Variants in TAOK1 observed in about 807,000 individuals in gnomAD.
TAOK1 encodes serine/threonine-protein kinase TAO1.
In TAOK1, 21 loss-of-function variants were observed where a neutral mutation model predicts 138.3. The observed-to-expected ratio is 0.15, with a 90% CI of 0.11 to 0.22. The LOEUF (loss-of-function observed/expected upper bound fraction) is 0.22. TAOK1 is among the 10% of genes least tolerant of loss of function. The pLI, the probability that TAOK1 is intolerant of heterozygous loss-of-function variation, is 1.00. For synonymous variants in TAOK1, 361 were observed against 398.4 expected, an observed-to-expected ratio of 0.91 and a Z score of 1.12; for missense variants, 651 against 1,227.7, an observed-to-expected ratio of 0.53 and a Z score of 7.02.
chr17:29,535,954 G>A (rs2053695917), intron 19 of TAOK1, among the ~76,000 whole-genome samples: 1 of 152,044 alleles, frequency 6.6e-6, no homozygotes, highest in Non-Finnish European at 1.5e-5. Flanking sequence ...TCTTTGAGAG[G>A]TATTTGCATC....
chr17:29,449,641 GA>G (rs1301877402), intron 1 of TAOK1, among the ~76,000 whole-genome samples: 6 of 151,986 alleles, frequency 3.9e-5, no homozygotes, highest in South Asian at 2.1e-4. Context: ...AGGAGTTCGA[GA>G]CCAGCCTGGC....
chr17:29,444,652 T>C (rs1381166131), intron 1 of TAOK1, among the ~76,000 whole-genome samples: 1 of 152,234 alleles, frequency 6.6e-6, no homozygotes, highest in Admixed American at 6.5e-5. Context: ...GCTTTTGCCT[T>C]TTCATATACA....
chr17:29,501,856 G>A (rs2031536822), intron 12 of TAOK1, among the ~76,000 whole-genome samples: 1 of 151,614 alleles, frequency 6.6e-6, no homozygotes, highest in South Asian at 2.1e-4. Flanking sequence ...GGGCAACATG[G>A]CAGAACCCCA....
At position 29,508,069 on chromosome 17, in the gene TAOK1, T is replaced by A; in HGVS notation, c.1512T>A (p.Arg504=). ...LRLDKDLETQ[R]NNFAAEMEKL... is the part of the protein sequence containing the mutation. The stretch of plus-strand genomic sequence containing the variant: ...TAGACAAAGATCTTGAAACTCAGCG[T>A]AACAATTTTGCTGCAGAAATGGAGA... Residue 504 remains arginine, a synonymous_variant, in exon 14 of 20, where the codon CGT becomes CGA. Coordinates refer to ENST00000261716, the MANE Select transcript of TAOK1 (RefSeq NM_020791.4). 1 of 1,614,100 alleles carries A rather than the reference T, an allele frequency of 6.2e-7. No individual in the cohort carries two copies. The highest frequency in any genetic ancestry group is 8.5e-7 in the Non-Finnish European group (1 of 1,179,984).
chr17:29,445,339 G>T (rs147885596), intron 1 of TAOK1: 2 of 152,460 alleles, frequency 1.3e-5, no homozygotes, highest in Admixed American at 1.3e-4. Context: ...TGTCATCCTT[G>T]TGCAGGGGCC....
At chr17:29,502,458 C>CTT in intron 12 of TAOK1, 131 bp from the exon 13 acceptor site, 1 of 1,029,566 alleles carries the variant, frequency 9.7e-7, no homozygotes, top group Non-Finnish European at 1.4e-6. Context: ...AGCATTTCTA[C>CTT]TTTTTGGCTT....
chr17:29,504,983 TA>T lies in TAOK1; in HGVS notation c.1338+2263del, dbSNP rs558462320. Reference sequence around the variant, plus strand: ...AACCTCTTGGTAACTTGGCATAAGTTAAATGTTTCCCAAGAAAGTGTTCTCT... The same window carrying T: ...AACCTCTTGGTAACTTGGCATAAGTTAATGTTTCCCAAGAAAGTGTTCTCT... On this transcript the variant is annotated intron_variant, in intron 13 of 19. Coordinates refer to ENST00000261716, the MANE Select transcript of TAOK1 (RefSeq NM_020791.4). Among the ~76,000 whole-genome samples the T allele has an allele frequency of 5.5e-3, 842 of 152,324 alleles. 5 individuals carry two copies. Among genetic ancestry groups the T allele is most frequent in the Admixed American group, 9.3e-3 (142 of 15,300 alleles).
intron 1 of TAOK1, among the ~76,000 whole-genome samples, chr17:29,418,930 C>CT (rs35692060): frequency 7.9e-4 from 83 of 105,386 alleles, no homozygotes; most frequent in African/African-American, 2.4e-3. Flanking sequence ...GGGTGCTTTG[C>CT]TTTTTTTTTT....
intron 17 of TAOK1, among the ~76,000 whole-genome samples, chr17:29,529,249 A>C (rs1284518509): frequency 6.6e-6 from 1 of 152,212 alleles, no homozygotes; most frequent in African/African-American, 2.4e-5. Flanking sequence ...CTGGGATTAC[A>C]GGCATGAGCC....
At chr17:29,495,498 A>C in intron 10 of TAOK1, 62 bp from the exon 11 acceptor site, 7 of 1,404,438 alleles carry the variant, frequency 5.0e-6, no homozygotes, top group Non-Finnish European at 6.7e-6. Context: ...CTAGGGTCTG[A>C]GAAGGAGTAC....
At chr17:29,421,216 A>G (rs1269713844) in intron 1 of TAOK1, among the ~76,000 whole-genome samples, 2 of 152,358 alleles carry the variant, frequency 1.3e-5, no homozygotes, top group East Asian at 3.9e-4. Context: ...GGCGTGAGCC[A>G]CCGCATCCAG....
At position 29,467,375 on chromosome 17, in the gene TAOK1, G is replaced by A. The variant is rs568570275; in HGVS notation, c.204+159G>A. Reference sequence around the variant, plus strand: ...TGCAAGCTCCGCCTCCCAAGTTCACGCCATTCTCCTGCCTCAGCCTCCCGA... The same window carrying A: ...TGCAAGCTCCGCCTCCCAAGTTCACACCATTCTCCTGCCTCAGCCTCCCGA... On this transcript the variant is annotated intron_variant, in intron 3 of 19. Coordinates refer to ENST00000261716, the MANE Select transcript of TAOK1 (RefSeq NM_020791.4). Among the ~76,000 whole-genome samples, 5 of 151,890 alleles carry A rather than the reference G, an allele frequency of 3.3e-5. No individual in the cohort carries two copies. The South Asian group carries it at 6.2e-4, about 19-fold the overall frequency.
At chr17:29,422,360 C>T (rs1368401924) in intron 1 of TAOK1, among the ~76,000 whole-genome samples, 3 of 151,894 alleles carry the variant, frequency 2.0e-5, no homozygotes, top group African/African-American at 7.3e-5. Context: ...CGAGCCACCA[C>T]ACCCAGCTAA....
intron 17 of TAOK1, among the ~76,000 whole-genome samples, chr17:29,528,792 A>G (rs2150771092): frequency 6.9e-6 from 1 of 144,948 alleles, no homozygotes; most frequent in Admixed American, 7.1e-5. Flanking sequence ...GTGAGCTGAG[A>G]TCACACCACT....
At chr17:29,443,339 G>C (rs916402163) in intron 1 of TAOK1, among the ~76,000 whole-genome samples, 1 of 152,092 alleles carries the variant, frequency 6.6e-6, no homozygotes. Flanking sequence ...TCTTTTTGTT[G>C]CTCTTGAATG....
intron 1 of TAOK1, among the ~76,000 whole-genome samples, chr17:29,394,229 G>A (rs1446669614): frequency 3.2e-5 from 4 of 124,558 alleles, no homozygotes; most frequent in African/African-American, 9.2e-5. Context: ...GCAGTGGCAC[G>A]ATCTCGGCTC....
At chr17:29,487,374 T>G (rs918965548) in intron 8 of TAOK1, among the ~76,000 whole-genome samples, 11 of 152,112 alleles carry the variant, frequency 7.2e-5, no homozygotes, top group Non-Finnish European at 1.6e-4. Context: ...TGTAGTAAAT[T>G]TATTGTTTTC....
intron 1 of TAOK1, among the ~76,000 whole-genome samples, chr17:29,404,441 C>T (rs1904935844): frequency 6.6e-6 from 1 of 152,080 alleles, no homozygotes; most frequent in African/African-American, 2.4e-5. Context: ...GGATTACAGG[C>T]ATGAGCCACC....
chr17:29,398,254 C>T (rs2153019867), intron 1 of TAOK1, among the ~76,000 whole-genome samples: 1 of 152,072 alleles, frequency 6.6e-6, no homozygotes, highest in African/African-American at 2.4e-5. Flanking sequence ...GTTGCCCAGG[C>T]TGGAGTGCAA....
Sources: allele counts gnomAD v4.1 joint callset (sites outside exome capture counted in the v4.1 genomes callset), GRCh38; gene constraint gnomAD v4.1.1; transcripts MANE v1.5; gene names NCBI Gene and HGNC (gene_info 2026-07-23, HGNC 2026-07-21).